Variants in VPS53 observed in about 807,000 individuals in gnomAD.
VPS53 encodes VPS53 subunit of GARP complex.
A neutral mutation model predicts 107.0 loss-of-function variants in VPS53; 70 were observed. The observed-to-expected ratio is 0.65, with a 90% CI of 0.54 to 0.80. The LOEUF is 0.80. VPS53 is among the 30% of genes least tolerant of loss of function. The probability of loss-of-function intolerance (pLI) is 0.00; values close to 1 mark genes in which losing one functional copy is unlikely to be tolerated. For synonymous variants in VPS53, 409 were observed against 393.3 expected (o/e 1.04, Z -0.47); for missense variants, 917 against 1,049.4 (o/e 0.87, Z 1.74).
In VPS53 at chr17:520,233, T is replaced by A. The variant is rs936376848; in HGVS notation, c.2224-303A>T. Among the ~76,000 whole-genome samples, 2 of 152,130 alleles carry A rather than the reference T, an allele frequency of 1.3e-5. No homozygotes were observed. Among genetic ancestry groups the A allele is most frequent in the African/African-American group, 2.4e-5 (1 of 41,422 alleles). On this transcript the variant is annotated intron_variant, in intron 20 of 21. Coordinates refer to ENST00000437048, the MANE Select transcript of VPS53 (RefSeq NM_001128159.3). This position sits in a 1 kb window ranked among gnomAD's most constrained non-coding sequence, Gnocchi z 4.4. ...TGCGCTGCTGTTTGAAGTATGGGTT[T>A]CCGGGGCCCTCCTCTAAAGACTCTA...
chr17:538,687 T>A (rs778844797), intron 17 of VPS53: 7 of 152,162 alleles, frequency 4.6e-5, no homozygotes, highest in Non-Finnish European at 8.8e-5. Context: ...CATCTTCATT[T>A]CACAGATAAG....
chr17:560,712 C>T lies in VPS53; in HGVS notation c.1557-139G>A. ...CAAATCAATTCACATACAATGAGTC[C>T]TTTTCCTACTGACCTTACCTTGACA... On this transcript the variant is annotated intron_variant, in intron 14 of 21. Transcript: ENST00000437048. 7 of 959,092 alleles carry T rather than the reference C, an allele frequency of 7.3e-6. No individual in the cohort carries two copies. In the South Asian group the frequency reaches 1.2e-4, roughly 17 times the overall value. 59.4% of individuals were successfully genotyped at this position (959,092 alleles called of 1,614,324 possible).
At chr17:654,415 A>G (rs1009792699) in intron 6 of VPS53, among the ~76,000 whole-genome samples, 10 of 152,070 alleles carry the variant, frequency 6.6e-5, no homozygotes, top group African/African-American at 2.4e-4. Flanking sequence ...TTAAATTTGT[A>G]ATTTATGATT....
intron 1 of VPS53, 126 bp downstream of exon 1, chr17:714,497 C>A: frequency 2.3e-6 from 2 of 854,908 alleles, no homozygotes; most frequent in Admixed American, 2.5e-5. Context: ...CACCTCCCCA[C>A]CTCCACTTTC....
intron 2 of VPS53, among the ~76,000 whole-genome samples, chr17:707,061 C>T (rs945358830): frequency 3.3e-5 from 5 of 152,236 alleles, no homozygotes; most frequent in Admixed American, 2.6e-4. Context: ...AACGTCCCCA[C>T]GGGGTCTGCC....
chr17:655,061 C>T (rs1250266412), intron 6 of VPS53, among the ~76,000 whole-genome samples: 1 of 152,214 alleles, frequency 6.6e-6, no homozygotes, highest in African/African-American at 2.4e-5. Context: ...CTTCCCCCAC[C>T]CAGGACTTTG....
chr17:656,850 G>A, intron 5 of VPS53: 3 of 1,590,730 alleles, frequency 1.9e-6, no homozygotes, highest in Middle Eastern at 1.7e-4. Flanking sequence ...GCAATGGTGA[G>A]GCGGATACCC....
rs144876460 is a variant in VPS53 at position 566,946 on chromosome 17, C to T, written c.1314-4201G>A. 3.7e-4 allele frequency among the ~76,000 whole-genome samples: 56 copies of T among 152,070 alleles called. No individual in the cohort carries two copies. The Middle Eastern group carries it at 0.014, about 37-fold the overall frequency. ...TTTTTTTAGTAGAGATGGGGTTTCACCATCTTGGCCAGGCTGGTCTTGAAC... is the reference window on the plus strand; with the variant it reads ...TTTTTTTAGTAGAGATGGGGTTTCATCATCTTGGCCAGGCTGGTCTTGAAC... On this transcript the variant is annotated intron_variant, in intron 13 of 21. Transcript: ENST00000437048.
At chr17:706,774 C>T (rs921344298) in intron 2 of VPS53, among the ~76,000 whole-genome samples, 9 of 152,078 alleles carry the variant, frequency 5.9e-5, no homozygotes, top group Non-Finnish European at 1.3e-4. Context: ...CTTTCATGCC[C>T]TCAGGTACCA....
At chr17:622,395 A>G (rs1018599357) in intron 11 of VPS53, among the ~76,000 whole-genome samples, 3 of 152,052 alleles carry the variant, frequency 2.0e-5, no homozygotes, top group Non-Finnish European at 4.4e-5. Context: ...GTTTAAAAAA[A>G]AAAAACAAAT....
chr17:644,185 G>T (rs1263666053), intron 7 of VPS53, among the ~76,000 whole-genome samples: 1 of 152,244 alleles, frequency 6.6e-6, no homozygotes, highest in Non-Finnish European at 1.5e-5. Context: ...AAGCATGGAA[G>T]CATTTGCCAG....
In VPS53 at chr17:584,809, A is replaced by T. The variant is rs79029307; in HGVS notation, c.1313+1461T>A. ...CCAAAGTGCTGGGATTACAGGTGTGACCCACTGTACCTGGCCACGTGAAAA... is the reference window on the plus strand; with the variant it reads ...CCAAAGTGCTGGGATTACAGGTGTGTCCCACTGTACCTGGCCACGTGAAAA... On this transcript the variant is annotated intron_variant, in intron 13 of 21. Transcript: ENST00000437048. Among the ~76,000 whole-genome samples, 314 of 152,302 alleles carry T rather than the reference A, an allele frequency of 2.1e-3. 9 individuals carry two copies. In the East Asian group the frequency reaches 0.055, roughly 27 times the overall value.
At chr17:699,987 G>A (rs1973133628) in intron 2 of VPS53, among the ~76,000 whole-genome samples, 1 of 152,124 alleles carries the variant, frequency 6.6e-6, no homozygotes, top group South Asian at 2.1e-4. Context: ...TTTTTTAAAT[G>A]TTTTATTTCT....
chr17:712,900 C>T (rs1185647041), intron 1 of VPS53, among the ~76,000 whole-genome samples: 1 of 152,178 alleles, frequency 6.6e-6, no homozygotes, highest in Non-Finnish European at 1.5e-5. Flanking sequence ...GTCCAAAGAG[C>T]AACAGAAATG....
At chr17:625,407 C>T (rs1267794516) in intron 10 of VPS53, among the ~76,000 whole-genome samples, 3 of 150,808 alleles carry the variant, frequency 2.0e-5, no homozygotes, top group African/African-American at 7.3e-5. Flanking sequence ...GGCTGGGGTA[C>T]GCTATTACCA....
At position 519,230 on chromosome 17, in the gene VPS53, C is replaced by G. The variant is rs377433960; in HGVS notation, c.2397G>C (p.Ser799=). ...ACAGTGAGCCGGAGCTTTCTGCCCC[C>G]GAGGGCGGTGCGGGGAGCCGCTGGC... ...LLRQRLPAPP[S]GAESSGSLSL... The change falls in exon 22 of 22, where the codon TCG becomes TCC. Residue 799 remains serine, a synonymous_variant. Coordinates refer to ENST00000437048, the MANE Select transcript of VPS53 (RefSeq NM_001128159.3). This position sits in a 1 kb window ranked among gnomAD's most constrained non-coding sequence, Gnocchi z 5.0. 2 of 1,548,810 alleles carry G rather than the reference C, an allele frequency of 1.3e-6. No individual in the cohort carries two copies. The highest frequency in any genetic ancestry group is 1.7e-6 in the Non-Finnish European group (2 of 1,145,982).
intron 11 of VPS53, among the ~76,000 whole-genome samples, chr17:614,025 C>G (rs938206787): frequency 1.3e-5 from 2 of 152,216 alleles, no homozygotes; most frequent in South Asian, 2.1e-4. Context: ...GACACAAAAA[C>G]CACACATCGT....
chr17:591,316 T>C (rs1030923063), intron 12 of VPS53, among the ~76,000 whole-genome samples: 1 of 152,256 alleles, frequency 6.6e-6, no homozygotes. Flanking sequence ...TTGTTGATCC[T>C]TTCAAAAAAC....
chr17:714,624 T>G lies in VPS53; in HGVS notation c.86A>C (p.Gln29Pro). 1.2e-6 allele frequency: 2 copies of G among 1,611,024 alleles called. No homozygotes were observed. Among genetic ancestry groups the G allele is most frequent in the Non-Finnish European group, 1.7e-6 (2 of 1,178,626 alleles). ...CCTCCTGAGGGGCGGAACGCTTACC[T>G]GCTCGATGGCCAGCTGCACCTCGGG... Reference protein sequence around the residue: ...LTPEVQLAIEQVFPSQDPLDR... With the variant: ...LTPEVQLAIEPVFPSQDPLDR... Residue 29 changes from glutamine (Q) to proline (P), a missense_variant and splice_region_variant, in exon 1 of 22, where the codon CAG (glutamine) becomes CCG (proline). By Grantham distance (76) the Gln-to-Pro change is moderately conservative (BLOSUM62 -1). Coordinates refer to ENST00000437048, the MANE Select transcript of VPS53 (RefSeq NM_001128159.3).
Sources: gnomAD v4.1 joint callset for allele counts (sites outside exome capture counted in the v4.1 genomes callset) on GRCh38, gnomAD v4.1.1 for gene constraint, Gnocchi (gnomAD v3.1) non-coding constraint, MANE v1.5 for transcripts, NCBI Gene and HGNC (gene_info 2026-07-23, HGNC 2026-07-21) for gene names.